The following GLMN variants were observed in gnomAD, a reference collection of about 807,000 sequenced individuals.
GLMN encodes the protein glomulin, FKBP associated protein.
GLMN carries 75 observed loss-of-function variants against 87.8 expected under a neutral mutation model. The ratio of observed to expected loss-of-function variants is 0.85; its 90% CI spans 0.71 to 1.04. The LOEUF is 1.04. Ranked by LOEUF, GLMN falls within the 50% of genes least tolerant of loss-of-function variation. GLMN has a pLI of 0.00. For missense variants in GLMN, 588 were observed against 658.8 expected, an observed-to-expected ratio of 0.89 and a Z score of 1.18; for synonymous variants, 206 against 221.6, an observed-to-expected ratio of 0.93 and a Z score of 0.63.
chr1:92,298,630 ACGG>A (rs893639188), intron 1 of GLMN, among the ~76,000 whole-genome samples: 13 of 152,162 alleles, frequency 8.5e-5, no homozygotes, highest in African/African-American at 2.4e-4. Flanking sequence ...AGACAAGACA[ACGG>A]CGGCCTTCAG....
the GLMN span, among the ~76,000 whole-genome samples, chr1:92,311,509 A>C: frequency 6.6e-6 from 1 of 152,366 alleles, no homozygotes; most frequent in Admixed American, 6.5e-5. Flanking sequence ...TGTAGATCAA[A>C]GCTTTTAAAT....
At chr1:92,251,586 T>C (rs145454524) in intron 16 of GLMN, among the ~76,000 whole-genome samples, 2 of 152,200 alleles carry the variant, frequency 1.3e-5, no homozygotes, top group African/African-American at 4.8e-5. Flanking sequence ...AATTGATAAG[T>C]TGGACTCCAT....
chr1:92,294,969 G>T (rs576548754), intron 3 of GLMN, among the ~76,000 whole-genome samples: 2 of 152,292 alleles, frequency 1.3e-5, no homozygotes, highest in South Asian at 4.1e-4. Flanking sequence ...ATGAACCACT[G>T]TGCCCAGCCT....
At chr1:92,315,265 G>A in the GLMN span, among the ~76,000 whole-genome samples, 1 of 152,186 alleles carries the variant, frequency 6.6e-6, no homozygotes, top group African/African-American at 2.4e-5. Context: ...CTGGTTGGTG[G>A]ATCAGTCAGA....
chr1:92,263,456 C>T (rs1655261482), intron 15 of GLMN, among the ~76,000 whole-genome samples, 167 bp downstream of exon 15: 2 of 152,304 alleles, frequency 1.3e-5, no homozygotes, highest in Middle Eastern at 6.8e-3. Flanking sequence ...TTTGTTTCTA[C>T]ACATTATCAA....
intron 9 of GLMN, among the ~76,000 whole-genome samples, chr1:92,268,874 T>A (rs1231686891): frequency 1.3e-5 from 2 of 152,066 alleles, no homozygotes; most frequent in African/African-American, 4.8e-5. Flanking sequence ...ATTCTTTAAT[T>A]TCTGTCTAGA....
the GLMN span, chr1:92,307,327 G>A: frequency 7.7e-7 from 1 of 1,291,718 alleles, no homozygotes. Flanking sequence ...CTAATAATTT[G>A]TTTCTGCTTT....
chr1:92,257,037 G>GAT (rs1654368315), intron 16 of GLMN, among the ~76,000 whole-genome samples: 1 of 152,212 alleles, frequency 6.6e-6, no homozygotes, highest in South Asian at 2.1e-4. Context: ...TCCTTAAGCT[G>GAT]ATAAGCAACT....
chr1:92,279,664 G>A (rs992183093), intron 7 of GLMN, among the ~76,000 whole-genome samples: 4 of 152,198 alleles, frequency 2.6e-5, no homozygotes, highest in East Asian at 3.9e-4. Flanking sequence ...TGCCTCACCC[G>A]GGAAGTGCGA....
chr1:92,258,565 G>A lies in GLMN; in HGVS notation c.1473+4298C>T, dbSNP rs1398118220. Among the ~76,000 whole-genome samples, 4 of 152,266 alleles carry A rather than the reference G, an allele frequency of 2.6e-5. No individual in the cohort carries two copies. The East Asian group carries it at 7.7e-4, about 29-fold the overall frequency. On this transcript the variant is annotated intron_variant, in intron 16 of 18. Transcript: ENST00000370360. Reference sequence around the variant, plus strand: ...TGGCACATATATATCATGGAATACTGTGCAGCCATAAAAAAGGATGAGTTC... The same window carrying A: ...TGGCACATATATATCATGGAATACTATGCAGCCATAAAAAAGGATGAGTTC...
chr1:92,351,305 C>CAAAAAAAAAAAAAAAAAAAAAAAAA, the GLMN span, among the ~76,000 whole-genome samples: 1 of 86,838 alleles, frequency 1.2e-5, no homozygotes, highest in African/African-American at 4.2e-5. Flanking sequence ...GACTCTGTCT[C>CAAAAAAAAAAAAAAAAAAAAAAAAA]AAAAAAAAAA....
At chr1:92,338,909 C>G in the GLMN span, among the ~76,000 whole-genome samples, 32 of 152,108 alleles carry the variant, frequency 2.1e-4, no homozygotes, top group African/African-American at 7.7e-4. Flanking sequence ...AGCTCCTGAC[C>G]ATTTCATTGA....
At chr1:92,271,833 G>C (rs1298163269) in intron 7 of GLMN, among the ~76,000 whole-genome samples, 181 bp from the exon 8 acceptor site, 1 of 152,104 alleles carries the variant, frequency 6.6e-6, no homozygotes, top group Non-Finnish European at 1.5e-5. Flanking sequence ...CCCATGATTA[G>C]ATTATATGAC....
At chr1:92,307,401 G>A in the GLMN span, 1 of 591,432 alleles carries the variant, frequency 1.7e-6, no homozygotes, top group Non-Finnish European at 2.9e-6. Context: ...TACTTTATGG[G>A]GAAATGGTTA....
intron 18 of GLMN, among the ~76,000 whole-genome samples, 167 bp downstream of exon 18, chr1:92,246,895 C>T (rs1020874168): frequency 6.6e-6 from 1 of 152,096 alleles, no homozygotes; most frequent in African/African-American, 2.4e-5. Context: ...TGGTGGTGTG[C>T]ACCTGCAGTC....
At chr1:92,292,825 C>A (rs1174642158) in intron 3 of GLMN, among the ~76,000 whole-genome samples, 1 of 147,812 alleles carries the variant, frequency 6.8e-6, no homozygotes, top group Admixed American at 6.7e-5. Flanking sequence ...CTCAGGAGTT[C>A]AAGACCAGCC....
upstream of GLMN, among the ~76,000 whole-genome samples, chr1:92,302,248 G>A (rs1650902452): frequency 6.6e-6 from 1 of 151,342 alleles, no homozygotes; most frequent in Non-Finnish European, 1.5e-5. Flanking sequence ...CTGCACTCCA[G>A]TCTGGGCAAC....
the GLMN span, among the ~76,000 whole-genome samples, chr1:92,345,370 C>T: frequency 2.3e-4 from 29 of 128,660 alleles, no homozygotes; most frequent in Admixed American, 1.9e-3. Context: ...TAGCAAGACC[C>T]CGTTTCTTTA....
At chr1:92,300,429 A>G (rs1354918328), upstream of GLMN, among the ~76,000 whole-genome samples, 1 of 152,174 alleles carries the variant, frequency 6.6e-6, no homozygotes, top group African/African-American at 2.4e-5. Flanking sequence ...GCTTTAAGAA[A>G]ACCAAACTAA....
Sources: gnomAD v4.1 joint callset for allele counts (sites outside exome capture counted in the v4.1 genomes callset) on GRCh38, gnomAD v4.1.1 for gene constraint, MANE v1.5 for transcripts, NCBI Gene and HGNC (gene_info 2026-07-23, HGNC 2026-07-21) for gene names.